Variants in IQGAP3 observed in about 807,000 individuals in gnomAD.
IQGAP3 encodes the protein ras GTPase-activating-like protein IQGAP3.
IQGAP3 carries 165 observed loss-of-function variants against 208.2 expected under a neutral mutation model. The observed-to-expected ratio is 0.79, with a 90% CI of 0.70 to 0.90. IQGAP3 has a LOEUF of 0.90. Ranked by LOEUF, IQGAP3 falls within the 40% of genes least tolerant of loss-of-function variation. IQGAP3 has a pLI of 0.00. For missense variants in IQGAP3, 1,811 were observed against 2,043.1 expected, an observed-to-expected ratio of 0.89 and a Z score of 2.19; for synonymous variants, 703 against 803.6, an observed-to-expected ratio of 0.87 and a Z score of 2.12.
chr1:156,528,953 T>G lies in IQGAP3; in HGVS notation c.4534A>C (p.Ile1512Leu), dbSNP rs773920999. The change falls in exon 35 of 38, where the codon ATC becomes CTC. Residue 1512 changes from isoleucine (I) to leucine (L), a missense_variant. Transcript: ENST00000361170. ...GCCAGGTGGTCCAGGCAGGCCCGGATGTACTGGCTGTAGTAGTCACCCTGC... is the reference window on the plus strand; with the variant it reads ...GCCAGGTGGTCCAGGCAGGCCCGGAGGTACTGGCTGTAGTAGTCACCCTGC... ...EEQGDYYSQY[I>L]RACLDHLAPD... is the part of the protein sequence containing the mutation. 1.5e-5 allele frequency: 24 copies of G among 1,614,086 alleles called. No homozygotes were observed. Among genetic ancestry groups the G allele is most frequent in the Middle Eastern group, 1.6e-4 (1 of 6,084 alleles).
In IQGAP3 at chr1:156,535,216, T is replaced by C. The variant is rs867143025; in HGVS notation, c.3454A>G (p.Lys1152Glu). The change falls in exon 28 of 38, where the codon AAG becomes GAG. Residue 1152 changes from lysine (K) to glutamate (E), a missense_variant. By Grantham distance (56) the Lys-to-Glu change is moderately conservative. Transcript: ENST00000361170. ...YGMRYVAKVL[K>E]ATLAEKFPDA... ...GGGAATTTCTCTGCCAGAGTTGCCTTCAGGACTTTGGCCACATATCGCATC... is the reference window on the plus strand; with the variant it reads ...GGGAATTTCTCTGCCAGAGTTGCCTCCAGGACTTTGGCCACATATCGCATC... The C allele has an allele frequency of 2.5e-6, 4 of 1,613,388 alleles. No individual in the cohort carries two copies. In the East Asian group the frequency reaches 8.9e-5, roughly 36 times the overall value.
At chr1:156,556,506 A>G (rs376915080) in intron 12 of IQGAP3, 27 bp downstream of exon 12, 126 of 1,613,220 alleles carry the variant, frequency 7.8e-5, no homozygotes, top group Non-Finnish European at 1.0e-4. Context: ...GAGACTGCAG[A>G]GCTAGACCCA....
At chr1:156,542,886 A>G (rs1675052065) in intron 22 of IQGAP3, among the ~76,000 whole-genome samples, 1 of 152,120 alleles carries the variant, frequency 6.6e-6, no homozygotes, top group Non-Finnish European at 1.5e-5. Context: ...GGCTGCAGTG[A>G]GCCGTGATCA....
chr1:156,566,775 G>A (rs947665), intron 2 of IQGAP3, among the ~76,000 whole-genome samples: 146,116 of 151,846 alleles, frequency 0.96, 70,550 homozygotes, highest in East Asian at 1. Flanking sequence ...ACCCACCCCA[G>A]CAAATCTTCC....
chr1:156,537,343 G>A (rs1175264679), intron 26 of IQGAP3, 22 bp from the exon 27 acceptor site: 12 of 1,594,732 alleles, frequency 7.5e-6, no homozygotes, highest in Non-Finnish European at 1.0e-5. Flanking sequence ...GAGAGACAAG[G>A]TGTAAGCAGG....
Position 156,549,517 on chromosome 1 carries a change from G to A in IQGAP3, c.1825+744C>T, listed in dbSNP as rs542941934. Among the ~76,000 whole-genome samples the A allele has an allele frequency of 5.9e-5, 9 of 151,516 alleles. No individual in the cohort carries two copies. The East Asian group carries it at 1.5e-3, about 26-fold the overall frequency. Reference sequence around the variant, plus strand: ...AAAAAAATTAGCCAGGTATGGTAGCGCATGCCTGTCCTCCCAGCTACTCAG... The same window carrying A: ...AAAAAAATTAGCCAGGTATGGTAGCACATGCCTGTCCTCCCAGCTACTCAG... On this transcript the variant is annotated intron_variant, in intron 16 of 37. Coordinates refer to ENST00000361170, the MANE Select transcript of IQGAP3 (RefSeq NM_178229.5).
chr1:156,535,032 G>A (rs60005170), intron 28 of IQGAP3, 131 bp downstream of exon 28: 11,555 of 761,316 alleles, frequency 0.015, 353 homozygotes, highest in African/African-American at 0.1. Flanking sequence ...CCATTTATAG[G>A]GGGCAGCATA....
intron 33 of IQGAP3, 120 bp from the exon 34 acceptor site, chr1:156,530,437 A>G (rs992753023): frequency 1.3e-6 from 1 of 786,784 alleles, no homozygotes; most frequent in African/African-American, 1.7e-5. Context: ...GCATATCATT[A>G]AGAAAGTGCC....
chr1:156,563,497 G>C (rs1676257314), intron 7 of IQGAP3, 56 bp downstream of exon 7: 6 of 1,463,766 alleles, frequency 4.1e-6, no homozygotes, highest in Non-Finnish European at 5.6e-6. Context: ...TGTGAGGCTT[G>C]GAGCCCTCCC....
intron 1 of IQGAP3, among the ~76,000 whole-genome samples, chr1:156,570,628 C>A (rs1023239601): frequency 3.3e-5 from 5 of 152,176 alleles, no homozygotes; most frequent in African/African-American, 4.8e-5. Context: ...TCAGCCCCCC[C>A]ACCACCAAAT....
rs146377246 is a variant in IQGAP3, at chr1:156,556,535, C to G, written c.1288G>C (p.Gly430Arg). The change falls in exon 12 of 38, where the codon GGG (glycine) becomes CGG (arginine). Residue 430 changes from glycine to arginine, a missense_variant and splice_region_variant. Transcript: ENST00000361170. ...LELAVLQQQQ[G>R]ELGQEELFVA... ...AGACCCACATTTCTGGGGCTTACCC[C>G]CTGCTGCTGCTGGAGCACTGCCAGC... 489 of 1,614,072 alleles carry G rather than the reference C, an allele frequency of 3.0e-4. 2 individuals are homozygous for G. The African/African-American group carries it at 5.5e-3, about 18-fold the overall frequency.
intron 27 of IQGAP3, chr1:156,536,932 G>A (rs1674715380): frequency 2.8e-6 from 1 of 352,436 alleles, no homozygotes; most frequent in African/African-American, 2.1e-5. Context: ...ATCATTTTAG[G>A]GTCCCTCCTC....
At chr1:156,566,812 T>A (rs1477109358) in intron 2 of IQGAP3, among the ~76,000 whole-genome samples, 2 of 151,892 alleles carry the variant, frequency 1.3e-5, no homozygotes, top group South Asian at 2.1e-4. Context: ...CTGCCCATCT[T>A]CAGTGAGGCT....
chr1:156,533,926 C>G, intron 30 of IQGAP3, 51 bp from the exon 31 acceptor site: 3 of 1,604,526 alleles, frequency 1.9e-6, no homozygotes, highest in Non-Finnish European at 2.6e-6. Context: ...CAGGTCTTCC[C>G]TCTGGGGCCA....
Position 156,566,488 on chromosome 1 carries a change from G to A in IQGAP3, c.184C>T (p.Leu62Phe), listed in dbSNP as rs1399334532. ...LPSPVELEESLRNGVLLAKLG... is the reference protein window; with the variant it reads ...LPSPVELEESFRNGVLLAKLG... ...TTGGCCAGCAGCACTCCATTCCGAA[G>A]GCTCTCCTCCAGCTCCACCGGGGAA... The change falls in exon 3 of 38, where the codon CTT (leucine) becomes TTT (phenylalanine). Residue 62 changes from leucine to phenylalanine, a missense_variant. Transcript: ENST00000361170. 6.2e-7 allele frequency: 1 copy of A among 1,614,124 alleles called. No homozygotes were observed. Among genetic ancestry groups the A allele is most frequent in the South Asian group, 1.1e-5 (1 of 91,068 alleles).
rs1557933403 is a variant in IQGAP3 at position 156,548,711 on chromosome 1, C to CTTGATGGCTTGA, written c.1851_1862dup (p.Asn617_Ile620dup). ...GCTCAGTCTGGGCTGCCTTGCCCTC[C>CTTGATGGCTTGA]TTGATGGCTTGATTGATGGCAGCCA... On this transcript the variant is annotated inframe_insertion, in exon 17 of 38. Transcript: ENST00000361170. The CTTGATGGCTTGA allele has an allele frequency of 1.3e-6, 2 of 1,594,124 alleles. No individual in the cohort carries two copies. Among genetic ancestry groups the CTTGATGGCTTGA allele is most frequent in the East Asian group, 2.2e-5 (1 of 44,630 alleles).
intron 27 of IQGAP3, 187 bp downstream of exon 27, chr1:156,536,994 C>T (rs1674717490): frequency 7.3e-6 from 4 of 545,918 alleles, no homozygotes; most frequent in South Asian, 6.3e-5. Context: ...CGCCGTCTCT[C>T]AGCTCAGCTC....
chr1:156,530,366 C>T lies in IQGAP3; in HGVS notation c.4192-49G>A, dbSNP rs732361. On this transcript the variant is annotated intron_variant, in intron 33 of 37. Transcript: ENST00000361170. ...GGGTCTACCAGGTCCTACCATTCTG[C>T]TCCCACACCAGTGAAGGTCCCATGG... 4,075 of 1,517,656 alleles carry T rather than the reference C, an allele frequency of 2.7e-3. 6 individuals carry two copies. Among genetic ancestry groups the T allele is most frequent in the Non-Finnish European group, 3.3e-3 (3,657 of 1,116,772 alleles). The allele number at this position is 1,517,656 out of a possible 1,614,324, so 94.0% of individuals were successfully genotyped here. A position where few individuals can be genotyped will look rare whatever the true frequency, so the allele number is the denominator to read the frequency against.
rs575680745 is a variant in IQGAP3 at position 156,539,628 on chromosome 1, G to C, written c.2893-91C>G. The C allele has an allele frequency of 2.1e-6, 3 of 1,406,502 alleles. No homozygotes were observed. The African/African-American group carries it at 4.3e-5, about 20-fold the overall frequency. 87.1% of individuals were successfully genotyped at this position (1,406,502 alleles called of 1,614,324 possible). A position where few individuals can be genotyped will look rare whatever the true frequency, so the allele number is the denominator to read the frequency against. On this transcript the variant is annotated intron_variant, in intron 24 of 37. Transcript: ENST00000361170. ...AAAGGCTTTCCCCTGATGGAAATCT[G>C]GAATGGAGAAAGCACTACCACACTT...
Sources: allele counts gnomAD v4.1 joint callset (sites outside exome capture counted in the v4.1 genomes callset), GRCh38; gene constraint gnomAD v4.1.1; transcripts MANE v1.5; gene names NCBI Gene and HGNC (gene_info 2026-07-23, HGNC 2026-07-21).